The following L1CAM variants were observed in gnomAD, a reference collection of about 807,000 sequenced individuals.
L1CAM encodes L1 cell adhesion molecule.
Under a neutral mutation model 93.0 loss-of-function variants are expected in L1CAM, and 8 were observed. That is an observed-to-expected ratio of 0.09 (90% CI 0.05 to 0.16). The LOEUF is 0.16. Ranked by LOEUF, L1CAM falls within the 10% of genes least tolerant of loss-of-function variation. The probability of loss-of-function intolerance (pLI) is 1.00; values close to 1 mark genes in which losing one functional copy is unlikely to be tolerated. For synonymous variants in L1CAM, 453 were observed against 453.0 expected (o/e 1.00, Z 0.00); for missense variants, 777 against 1,073.4 (o/e 0.72, Z 3.86).
At chrX:153,866,931 GC>G in intron 18 of L1CAM, 60 bp from the exon 19 acceptor site, 1 of 1,137,358 alleles carries the variant, frequency 8.8e-7, no homozygotes, top group Non-Finnish European at 1.2e-6. Flanking sequence ...TCTTTGGCCC[GC>G]CCCCCAGCAC....
chrX:153,869,679 G>A lies in L1CAM; in HGVS notation c.1124-16C>T. On this transcript the variant is annotated splice_polypyrimidine_tract_variant and intron_variant, in intron 10 of 28. Coordinates refer to ENST00000370060, the MANE Select transcript of L1CAM (RefSeq NM_001278116.2). ...TTGGCCAGCTCTGTGCATGCAGCAG[G>A]TGGGCCCATGGGCCACAGCCCGGCA... 1 of 1,205,718 alleles carries A rather than the reference G, an allele frequency of 8.3e-7. No homozygotes were observed. Among genetic ancestry groups the A allele is most frequent in the Non-Finnish European group, 1.1e-6 (1 of 892,552 alleles).
Position 153,870,482 on chromosome X carries a change from T to G in L1CAM, c.712A>C (p.Arg238=). 8.3e-7 allele frequency: 1 copy of G among 1,210,455 alleles called. No homozygotes were observed. The highest frequency in any genetic ancestry group is 1.1e-6 in the Non-Finnish European group (1 of 894,155). The change falls in exon 8 of 29, where the codon AGG becomes CGG. Residue 238 remains arginine, a synonymous_variant. Transcript: ENST00000370060. The part of the protein sequence containing the change: ...RVKATNSMID[R]KPRLLFPTNS... ...GTGGGGAAGAGCAGGCGCGGCTTCC[T>G]GTCAATCATGCTGTTGGCTGCCAGG...
chrX:153,886,127 C>A lies in L1CAM; in HGVS notation c.-171G>T. 1 of 130,591 alleles carries A rather than the reference C, an allele frequency of 7.7e-6. No individual in the cohort carries two copies. Among genetic ancestry groups the A allele is most frequent in the Non-Finnish European group, 1.4e-5 (1 of 69,977 alleles). 10.8% of individuals were successfully genotyped at this position (130,591 alleles called of 1,213,427 possible). A position where few individuals can be genotyped will look rare whatever the true frequency, so the allele number is the denominator to read the frequency against. On this transcript the variant is annotated 5_prime_UTR_variant, in exon 1 of 29. Transcript: ENST00000370060. The stretch of plus-strand genomic sequence containing the variant: ...TCCGCGCACGCCGGCCTCGGACCCG[C>A]CGCCCGAGCGCGTCTGCGATGCCGA...
chrX:153,872,862 A>C, intron 3 of L1CAM, 165 bp from the exon 4 acceptor site: 1 of 495,242 alleles, frequency 2.0e-6, no homozygotes, highest in South Asian at 2.8e-5. Context: ...GTGGGACATG[A>C]AAAGAGGGAG....
In L1CAM at chrX:153,863,311, G is replaced by A. The variant is rs367675325; in HGVS notation, c.3542+57C>T. 2.6e-5 allele frequency: 30 copies of A among 1,153,492 alleles called. No individual in the cohort carries two copies. In the African/African-American group the frequency reaches 3.9e-4, roughly 15 times the overall value. On this transcript the variant is annotated intron_variant, in intron 28 of 28. Transcript: ENST00000370060. Reference sequence around the variant, plus strand: ...GCCAGGGGACAATGGCACACCAGGCGCACATTGTCTATAGGGAGACCTTGC... The same window carrying A: ...GCCAGGGGACAATGGCACACCAGGCACACATTGTCTATAGGGAGACCTTGC...
chrX:153,862,430 G>A lies in L1CAM; in HGVS notation c.*233C>T, dbSNP rs1258343069. 1 of 369,269 alleles carries A rather than the reference G, an allele frequency of 2.7e-6. No individual in the cohort carries two copies. Among genetic ancestry groups the A allele is most frequent in the Non-Finnish European group, 4.7e-6 (1 of 212,814 alleles). The allele number at this position is 369,269 out of a possible 1,213,427, so 30.4% of individuals were successfully genotyped here. On this transcript the variant is annotated 3_prime_UTR_variant, in exon 29 of 29. Coordinates refer to ENST00000370060, the MANE Select transcript of L1CAM (RefSeq NM_001278116.2). ...TCTGCCCAAATGGGCTGGCAAAACA[G>A]CACCCAAAGGCCCCTGGCATGTGGG...
intron 1 of L1CAM, among the ~76,000 whole-genome samples, chrX:153,878,514 C>T (rs1483999555): frequency 8.9e-6 from 1 of 112,755 alleles, no homozygotes; most frequent in East Asian, 2.8e-4. Context: ...CCGGCCTCTC[C>T]CTACAAAGCC....
At chrX:153,868,808 C>G (rs2105823) in intron 12 of L1CAM, 33 bp downstream of exon 12, 16 of 1,199,584 alleles carry the variant, frequency 1.3e-5, no homozygotes, top group Non-Finnish European at 1.8e-5. Context: ...CACTGGGACA[C>G]GACACTCACC....
chrX:153,874,524 G>A (rs2064798561), intron 2 of L1CAM, among the ~76,000 whole-genome samples: 1 of 112,457 alleles, frequency 8.9e-6, no homozygotes, highest in Non-Finnish European at 1.9e-5. Flanking sequence ...CCTGGCCCTG[G>A]CCCTCCATGT....
In L1CAM at chrX:153,868,732, A is replaced by G. The variant is rs2064738791; in HGVS notation, c.1380-5T>C. 1 of 1,210,063 alleles carries G rather than the reference A, an allele frequency of 8.3e-7. No homozygotes were observed. Among genetic ancestry groups the G allele is most frequent in the Admixed American group, 2.2e-5 (1 of 45,888 alleles). On this transcript the variant is annotated splice_polypyrimidine_tract_variant and splice_region_variant and intron_variant, in intron 12 of 28. Transcript: ENST00000370060. ...GTTGTCCCATCCTCGTCCAGCCTGG[A>G]GGGAGCAGGGCGGGCCTGGCTCTGA...
chrX:153,863,618 G>A (rs2064683602), intron 26 of L1CAM, 69 bp from the exon 27 acceptor site: 5 of 994,495 alleles, frequency 5.0e-6, no homozygotes, highest in South Asian at 2.0e-5. Context: ...GCCCCTCTAC[G>A]CCCCGCACCC....
rs782712766 is a variant in L1CAM, at chrX:153,864,947, C to T, written c.2920G>A (p.Glu974Lys). The change falls in exon 23 of 29, where the codon GAA (glutamate) becomes AAA (lysine). Residue 974 changes from glutamate (E) to lysine (K), a missense_variant. Glu to Lys is a moderately conservative substitution (Grantham distance 56, BLOSUM62 1). Around this residue, in one of 5 missense-constraint regions of L1CAM, gnomAD observed 71 missense variants for 77.4 expected, o/e 0.92. Coordinates refer to ENST00000370060, the MANE Select transcript of L1CAM (RefSeq NM_001278116.2). ...TCGGTCAGGTTGTGTGTCCGAAGTT[C>T]GGGGTCCCGAAGGTTGAAGGACAGT... The part of the protein sequence containing the change: ...GQLSFNLRDP[E>K]LRTHNLTDLS... 1.2e-5 allele frequency: 14 copies of T among 1,211,070 alleles called. No homozygotes were observed. In the South Asian group the frequency reaches 1.9e-4, roughly 17 times the overall value.
chrX:153,876,270 G>A (rs1206365157), intron 1 of L1CAM: 2 of 333,237 alleles, frequency 6.0e-6, no homozygotes, highest in East Asian at 5.6e-5. Context: ...GCACATCCCC[G>A]TATGTGTCTG....
chrX:153,866,931 G>A (rs782012923), intron 18 of L1CAM, 60 bp from the exon 19 acceptor site: 94 of 1,135,462 alleles, frequency 8.3e-5, no homozygotes, highest in East Asian at 1.8e-4. Context: ...TCTTTGGCCC[G>A]CCCCCCAGCA....
chrX:153,867,237 C>T (rs1488131339), intron 17 of L1CAM, 113 bp from the exon 18 acceptor site: 22 of 979,722 alleles, frequency 2.2e-5, no homozygotes, highest in Non-Finnish European at 2.9e-5. Flanking sequence ...CCAGCCCCCT[C>T]GCGCTCCCCC....
chrX:153,884,133 A>AC, intron 1 of L1CAM: 1 of 801,046 alleles, frequency 1.2e-6, no homozygotes, highest in Non-Finnish European at 1.7e-6. Context: ...AACAAGTGAC[A>AC]CCCCACGAAG....
Position 153,875,949 on chromosome X carries a change from G to A in L1CAM, c.-108-5C>T. On this transcript the variant is annotated splice_polypyrimidine_tract_variant and splice_region_variant and intron_variant, in intron 1 of 28. Coordinates refer to ENST00000370060, the MANE Select transcript of L1CAM (RefSeq NM_001278116.2). ...CGGGAGTTGGGAGTGGGGGCACTGG[G>A]AGAGGGGAGAAGGGAAGGGAAGGGT... The A allele has an allele frequency of 3.4e-6, 2 of 583,896 alleles. No homozygotes were observed. The highest frequency in any genetic ancestry group is 5.7e-6 in the Non-Finnish European group (2 of 349,955). 48.1% of individuals were successfully genotyped at this position (583,896 alleles called of 1,213,427 possible).
chrX:153,872,878 G>T (rs1029700189), intron 3 of L1CAM, 181 bp from the exon 4 acceptor site: 2 of 464,853 alleles, frequency 4.3e-6, no homozygotes, highest in Admixed American at 6.8e-5. Context: ...GGGAGAGAGG[G>T]GACAGCCACG....
At position 153,871,145 on chromosome X, in the gene L1CAM, G is replaced by C. The variant is rs945166444; in HGVS notation, c.435C>G (p.Pro145=). ...APKWPKETVK[P]VEVEEGESVV... ...CTGACTCCCCTTCCTCCACCTCCAC[G>C]GGCTTCACTGTCTCCTTTGGCCACT... Residue 145 remains proline, a synonymous_variant, in exon 6 of 29, where the codon CCC becomes CCG. Coordinates refer to ENST00000370060, the MANE Select transcript of L1CAM (RefSeq NM_001278116.2). 2.5e-6 allele frequency: 3 copies of C among 1,209,455 alleles called. No individual in the cohort carries two copies. The highest frequency in any genetic ancestry group is 2.2e-5 in the Admixed American group (1 of 45,945).
Sources: gnomAD v4.1 joint callset for allele counts (sites outside exome capture counted in the v4.1 genomes callset) on GRCh38, gnomAD v4.1.1 for gene constraint, gnomAD v4.1.1 regional missense constraint, MANE v1.5 for transcripts, NCBI Gene and HGNC (gene_info 2026-07-23, HGNC 2026-07-21) for gene names.